TCTN1: variants seen among roughly 807,000 people sequenced by gnomAD.
TCTN1 encodes the protein tectonic family member 1.
In TCTN1, 58 loss-of-function variants were observed where a neutral mutation model predicts 65.8. The ratio of observed to expected loss-of-function variants is 0.88; its 90% CI spans 0.71 to 1.10. The LOEUF is 1.10. Among genes scored for constraint, TCTN1 ranks in the 50% least tolerant of loss-of-function variants. The pLI, the probability that TCTN1 is intolerant of heterozygous loss-of-function variation, is 0.00. For synonymous variants in TCTN1, 273 were observed against 289.1 expected (o/e 0.94, Z 0.57); for missense variants, 645 against 719.4 (o/e 0.90, Z 1.18).
intron 2 of TCTN1, among the ~76,000 whole-genome samples, chr12:110,621,437 A>C (rs1187522704): frequency 6.6e-6 from 1 of 151,332 alleles, no homozygotes; most frequent in Admixed American, 6.6e-5. Context: ...TAGTAAATAC[A>C]GGAGCCTGAA....
At chr12:110,618,096 G>A (rs1436383462) in intron 1 of TCTN1, among the ~76,000 whole-genome samples, 1 of 130,936 alleles carries the variant, frequency 7.6e-6, no homozygotes. Flanking sequence ...TTTTTGAGAT[G>A]GAGTCTCACT....
chr12:110,625,244 C>G (rs1291793348), intron 2 of TCTN1, among the ~76,000 whole-genome samples: 1 of 152,132 alleles, frequency 6.6e-6, no homozygotes, highest in Non-Finnish European at 1.5e-5. Context: ...CTACTTGTCT[C>G]AATTTTGTTT....
chr12:110,614,517 CACTGCTG>C, intron 1 of TCTN1, 115 bp downstream of exon 1: 1 of 1,527,548 alleles, frequency 6.5e-7, no homozygotes, highest in South Asian at 1.2e-5. Flanking sequence ...TGTGTGCAGA[CACTGCTG>C]AGTGTTCCAT....
chr12:110,622,162 G>C (rs2065478626), intron 2 of TCTN1, among the ~76,000 whole-genome samples: 1 of 151,804 alleles, frequency 6.6e-6, no homozygotes, highest in Admixed American at 6.6e-5. Context: ...ATAATAATGA[G>C]TTGAATGGAT....
chr12:110,628,191 G>T, intron 3 of TCTN1: 1 of 1,535,886 alleles, frequency 6.5e-7, no homozygotes, highest in Non-Finnish European at 8.7e-7. Context: ...AGAAATAGAC[G>T]GATTATTATT....
At position 110,640,333 on chromosome 12, in the gene TCTN1, C is replaced by T; in HGVS notation, c.844-50C>T. ...TTCCAGTTGGTTGGTTATTTTAGCC[C>T]ATCCTCCCTGGGTAGAGCATCTTCA... is the stretch of plus-strand genomic sequence containing the variant. On this transcript the variant is annotated intron_variant, in intron 7 of 14. Transcript: ENST00000397659. The surrounding 1 kb of genome is among the most constrained non-coding windows in gnomAD (Gnocchi z 4.9). The T allele has an allele frequency of 6.2e-7, 1 of 1,613,408 alleles. No individual in the cohort carries two copies. Among genetic ancestry groups the T allele is most frequent in the Non-Finnish European group, 8.5e-7 (1 of 1,179,654 alleles).
chr12:110,625,570 C>A (rs939073092), intron 2 of TCTN1: 2 of 151,754 alleles, frequency 1.3e-5, no homozygotes, highest in African/African-American at 4.8e-5. Flanking sequence ...CATGGTGAAA[C>A]CCTGTCTCTA....
At chr12:110,619,772 G>T in intron 1 of TCTN1, 64 bp from the exon 2 acceptor site, 1 of 1,610,258 alleles carries the variant, frequency 6.2e-7, no homozygotes, top group Non-Finnish European at 8.5e-7. Context: ...ACACTGTGGT[G>T]GCAGGGGGCA....
At chr12:110,619,977 T>C (rs2135906335) in intron 2 of TCTN1, 21 bp downstream of exon 2, 1 of 1,614,164 alleles carries the variant, frequency 6.2e-7, no homozygotes, top group African/African-American at 1.3e-5. Context: ...GTATGACACA[T>C]GCAATTTTGA....
Position 110,614,209 on chromosome 12 carries a change from C to G in TCTN1, c.27C>G (p.Leu9=). Reference sequence around the variant, plus strand: ...TGAGGCCGCGAGGTCTCCCGCCGCTCCTGGTGGTGCTCCTGGGCTGCTGGG... The same window carrying G: ...TGAGGCCGCGAGGTCTCCCGCCGCTGCTGGTGGTGCTCCTGGGCTGCTGGG... MRPRGLPP[L]LVVLLGCWAS... The change falls in exon 1 of 15, where the codon CTC becomes CTG. Residue 9 remains leucine (L), a synonymous_variant. Transcript: ENST00000397659. 1 of 1,579,684 alleles carries G rather than the reference C, an allele frequency of 6.3e-7. No individual in the cohort carries two copies. The highest frequency in any genetic ancestry group is 8.6e-7 in the Non-Finnish European group (1 of 1,163,790).
At chr12:110,628,235 C>T in intron 3 of TCTN1, 2 of 1,535,354 alleles carry the variant, frequency 1.3e-6, no homozygotes, top group Non-Finnish European at 8.7e-7. Flanking sequence ...GTAAGTGCTA[C>T]AAACTATTAC....
At chr12:110,624,916 A>T (rs961530833) in intron 2 of TCTN1, among the ~76,000 whole-genome samples, 3 of 151,750 alleles carry the variant, frequency 2.0e-5, no homozygotes, top group Non-Finnish European at 2.9e-5. Context: ...AACCTTCCAG[A>T]CGACTGATCT....
At chr12:110,616,278 G>T (rs753325867) in intron 1 of TCTN1, 40 of 447,056 alleles carry the variant, frequency 8.9e-5, no homozygotes, top group African/African-American at 6.9e-4. Context: ...TGGTCACAGG[G>T]TCTCACTCTG....
At chr12:110,627,248 C>T (rs1276604619) in intron 3 of TCTN1, among the ~76,000 whole-genome samples, 2 of 151,946 alleles carry the variant, frequency 1.3e-5, no homozygotes, top group Non-Finnish European at 2.9e-5. Flanking sequence ...CAGGTACCTG[C>T]CACCACACCC....
intron 6 of TCTN1, among the ~76,000 whole-genome samples, chr12:110,635,311 T>C (rs543344715): frequency 5.5e-4 from 83 of 152,260 alleles, no homozygotes; most frequent in Admixed American, 5.4e-3. Context: ...CTGGCCCACA[T>C]GACAGATGAG....
chr12:110,647,044 A>G (rs1401007283), intron 12 of TCTN1, 152 bp from the exon 13 acceptor site: 7 of 883,988 alleles, frequency 7.9e-6, no homozygotes, highest in Non-Finnish European at 1.2e-5. Context: ...TAAAACACGT[A>G]TATTCTCTAA....
At chr12:110,642,135 G>A in intron 10 of TCTN1, 114 bp from the exon 11 acceptor site, 7 of 1,387,676 alleles carry the variant, frequency 5.0e-6, no homozygotes, top group Non-Finnish European at 7.0e-6. Flanking sequence ...AAATCCCAGA[G>A]GCCCAGAAAA....
rs2067661112 is a variant in TCTN1 at position 110,649,197 on chromosome 12, T to C, written c.*156T>C. 1 of 684,968 alleles carries C rather than the reference T, an allele frequency of 1.5e-6. No homozygotes were observed. Among genetic ancestry groups the C allele is most frequent in the Admixed American group, 2.2e-5 (1 of 45,616 alleles). 42.4% of individuals were successfully genotyped at this position (684,968 alleles called of 1,614,324 possible). A position where few individuals can be genotyped will look rare whatever the true frequency, so the allele number is the denominator to read the frequency against. ...TTCAACATGAGAAAATGTGATACAT[T>C]TGATACAGTGTGGGGTGGGAGTGGA... On this transcript the variant is annotated 3_prime_UTR_variant, in exon 15 of 15. Transcript: ENST00000397659.
chr12:110,615,377 C>T (rs1353264696), intron 1 of TCTN1, among the ~76,000 whole-genome samples: 1 of 151,984 alleles, frequency 6.6e-6, no homozygotes. Context: ...TCATAGCAGC[C>T]GATTCTTAAA....
Sources: allele counts gnomAD v4.1 joint callset (sites outside exome capture counted in the v4.1 genomes callset), GRCh38; gene constraint gnomAD v4.1.1; non-coding constraint Gnocchi (gnomAD v3.1); transcripts MANE v1.5; gene names NCBI Gene and HGNC (gene_info 2026-07-23, HGNC 2026-07-21).